RUFY3: variants seen among roughly 807,000 people sequenced by gnomAD.
The protein encoded by RUFY3 is protein RUFY3.
Under a neutral mutation model 84.0 loss-of-function variants are expected in RUFY3, and 34 were observed. The observed-to-expected ratio is 0.40, with a 90% CI of 0.31 to 0.54. The LOEUF is 0.54. RUFY3 is among the 20% of genes least tolerant of loss of function. The pLI is 0.39. For missense variants in RUFY3, 507 were observed against 736.8 expected (o/e 0.69, Z 3.61); for synonymous variants, 242 against 252.9 (o/e 0.96, Z 0.41).
chr4:70,732,098 G>A (rs995262676), intron 1 of RUFY3, among the ~76,000 whole-genome samples: 3 of 151,974 alleles, frequency 2.0e-5, no homozygotes, highest in Non-Finnish European at 4.4e-5. Flanking sequence ...GATTCTTCAT[G>A]CCCGTGTTAT....
chr4:70,754,092 AGGCTGGATGGAGTGCAAT>A (rs1253376296), intron 1 of RUFY3, among the ~76,000 whole-genome samples: 1 of 150,874 alleles, frequency 6.6e-6, no homozygotes, highest in African/African-American at 2.4e-5. Flanking sequence ...GTTGTCGCCC[AGGCTGGATGGAGTGCAAT>A]GGCACAATCT....
At chr4:70,724,294 TTTG>T (rs1479895990) in intron 1 of RUFY3, among the ~76,000 whole-genome samples, 1 of 152,168 alleles carries the variant, frequency 6.6e-6, no homozygotes, top group Non-Finnish European at 1.5e-5. Context: ...GTTTACATAT[TTTG>T]TTTGAAAAAA....
rs999150330 is a variant in RUFY3, at chr4:70,752,880, T to C, written c.179-9639T>C. ...ATTGATCTATAGTTTTCTTATGATA[T>C]CTTTATCTGATTTGGTCTCAAGGTA... On this transcript the variant is annotated intron_variant, in intron 1 of 17. Transcript: ENST00000381006. Among the ~76,000 whole-genome samples the C allele has an allele frequency of 2.6e-5, 4 of 152,222 alleles. No homozygotes were observed. In the East Asian group the frequency reaches 7.7e-4, roughly 29 times the overall value.
intron 4 of RUFY3, among the ~76,000 whole-genome samples, chr4:70,764,952 A>G (rs927847314): frequency 1.3e-5 from 2 of 152,086 alleles, no homozygotes; most frequent in African/African-American, 4.8e-5. Flanking sequence ...TCGGGAGGCC[A>G]AGGTGGGCAG....
intron 1 of RUFY3, among the ~76,000 whole-genome samples, chr4:70,757,789 ATT>A (rs904617253): frequency 2.6e-5 from 4 of 152,206 alleles, no homozygotes; most frequent in Admixed American, 2.6e-4. Flanking sequence ...GACTAAGTCT[ATT>A]ATTACCTCTG....
intron 1 of RUFY3, among the ~76,000 whole-genome samples, chr4:70,740,902 GGTGTTACAACATGAT>G (rs973737165): frequency 1.3e-5 from 2 of 151,754 alleles, no homozygotes; most frequent in African/African-American, 4.8e-5. Flanking sequence ...GAACTTATTT[GGTGTTACAACATGAT>G]GTGAATTTAC....
chr4:70,779,162 T>C (rs1163578842), intron 8 of RUFY3, among the ~76,000 whole-genome samples: 2 of 152,220 alleles, frequency 1.3e-5, no homozygotes, highest in Non-Finnish European at 2.9e-5. Context: ...CCACCACTTA[T>C]GTCCTTGTTT....
intron 1 of RUFY3, among the ~76,000 whole-genome samples, chr4:70,710,820 TG>T (rs1191600146): frequency 6.6e-6 from 1 of 151,554 alleles, no homozygotes; most frequent in Non-Finnish European, 1.5e-5. Flanking sequence ...CCCAGCACTT[TG>T]GGAGGCCAAG....
In RUFY3 at chr4:70,784,272, C is replaced by T. The variant is rs555323067; in HGVS notation, c.988-524C>T. 3.0e-4 allele frequency among the ~76,000 whole-genome samples: 46 copies of T among 152,284 alleles called. No homozygotes were observed. In the East Asian group the frequency reaches 7.3e-3, roughly 24 times the overall value. ...GCCAAGGAGGCAGATCACTTGAGGTCGGGAGTTCGAGACCAGCCTGGCCAA... is the reference window on the plus strand; with the variant it reads ...GCCAAGGAGGCAGATCACTTGAGGTTGGGAGTTCGAGACCAGCCTGGCCAA... On this transcript the variant is annotated intron_variant, in intron 9 of 17. Transcript: ENST00000381006.
At chr4:70,730,721 C>A (rs556003324) in intron 1 of RUFY3, among the ~76,000 whole-genome samples, 3 of 151,710 alleles carry the variant, frequency 2.0e-5, no homozygotes, top group Admixed American at 1.3e-4. Flanking sequence ...CCAGCCTGGG[C>A]GACAAGAGTG....
chr4:70,781,557 A>G (rs775682014), intron 8 of RUFY3, among the ~76,000 whole-genome samples: 4 of 152,274 alleles, frequency 2.6e-5, no homozygotes, highest in Non-Finnish European at 5.9e-5. Flanking sequence ...ATCTGCAGCC[A>G]TAATCAGGTT....
At chr4:70,768,232 A>G (rs968314680) in intron 4 of RUFY3, among the ~76,000 whole-genome samples, 13 of 152,216 alleles carry the variant, frequency 8.5e-5, no homozygotes, top group African/African-American at 2.7e-4. Flanking sequence ...ACCTGCTTCA[A>G]CCACAATACT....
chr4:70,742,079 G>A (rs892896048), intron 1 of RUFY3, among the ~76,000 whole-genome samples: 1 of 147,350 alleles, frequency 6.8e-6, no homozygotes, highest in African/African-American at 2.7e-5. Flanking sequence ...GCTCTGATTT[G>A]TAGATTTCCA....
chr4:70,745,149 T>C (rs1721990019), intron 1 of RUFY3, among the ~76,000 whole-genome samples: 1 of 151,250 alleles, frequency 6.6e-6, no homozygotes, highest in Non-Finnish European at 1.5e-5. Context: ...TTTCACCATG[T>C]TTGCCAGGAT....
chr4:70,731,093 A>T (rs1022315485), intron 1 of RUFY3, among the ~76,000 whole-genome samples: 4 of 147,634 alleles, frequency 2.7e-5, no homozygotes, highest in East Asian at 4.0e-4. Flanking sequence ...GCTGGAGTGC[A>T]GCTGCGCGAT....
chr4:70,737,241 T>C (rs1167307286), intron 1 of RUFY3, among the ~76,000 whole-genome samples: 1 of 152,044 alleles, frequency 6.6e-6, no homozygotes, highest in African/African-American at 2.4e-5. Flanking sequence ...TTCTCTACTT[T>C]TTTTTTTTAA....
At chr4:70,787,212 A>G (rs1450054151) in intron 10 of RUFY3, among the ~76,000 whole-genome samples, 20 of 135,684 alleles carry the variant, frequency 1.5e-4, no homozygotes, top group Non-Finnish European at 2.3e-4. Context: ...ATATATATAT[A>G]TAAAAACAAA....
upstream of RUFY3, among the ~76,000 whole-genome samples, chr4:70,717,995 G>T (rs193159725): frequency 6.8e-6 from 1 of 146,460 alleles, no homozygotes; most frequent in Non-Finnish European, 1.5e-5. Context: ...CCATTCTCCT[G>T]CCTCAGCCTC....
At chr4:70,727,039 CTTTT>C (rs1242842461) in intron 1 of RUFY3, among the ~76,000 whole-genome samples, 7 of 113,286 alleles carry the variant, frequency 6.2e-5, no homozygotes, top group Non-Finnish European at 9.7e-5. Context: ...GATTTCTTTC[CTTTT>C]TTTTTTTTTT....
Sources: gnomAD v4.1 joint callset for allele counts (sites outside exome capture counted in the v4.1 genomes callset) on GRCh38, gnomAD v4.1.1 for gene constraint, MANE v1.5 for transcripts, NCBI Gene and HGNC (gene_info 2026-07-23, HGNC 2026-07-21) for gene names.